The following PRELID2 variants were observed in gnomAD, a reference collection of about 807,000 sequenced individuals.
The protein encoded by PRELID2 is PRELI domain containing 2, also known as PRELI domain-containing protein 2.
Under a neutral mutation model 28.4 loss-of-function variants are expected in PRELID2, and 25 were observed. The observed-to-expected ratio is 0.88, with a 90% CI of 0.64 to 1.23. The LOEUF (loss-of-function observed/expected upper bound fraction) is 1.23. PRELID2 is among the 50% of genes most tolerant of loss of function. PRELID2 has a pLI of 0.00. For synonymous variants in PRELID2, 76 were observed against 71.6 expected (o/e 1.06, Z -0.31); for missense variants, 201 against 214.4 (o/e 0.94, Z 0.39).
chr5:145,272,982 A>G, the PRELID2 span, among the ~76,000 whole-genome samples: 1 of 152,138 alleles, frequency 6.6e-6, no homozygotes, highest in Non-Finnish European at 1.5e-5. Context: ...TGGGACAAAT[A>G]CAGAGTAGCA....
chr5:145,588,896 G>C (rs890694216), intron 1 of PRELID2, among the ~76,000 whole-genome samples: 2 of 150,612 alleles, frequency 1.3e-5, no homozygotes, highest in South Asian at 4.2e-4. Context: ...AAAAAAAATC[G>C]TCATTTTCTC....
the PRELID2 span, among the ~76,000 whole-genome samples, chr5:145,451,865 G>T: frequency 1.3e-5 from 2 of 152,030 alleles, no homozygotes; most frequent in Admixed American, 6.6e-5. Context: ...ACTAAAAAAA[G>T]CCTGAATTAT....
chr5:145,797,360 C>G (rs893594672), intron 4 of PRELID2, among the ~76,000 whole-genome samples: 2 of 152,082 alleles, frequency 1.3e-5, no homozygotes, highest in African/African-American at 4.8e-5. Context: ...GTTGCTTTTA[C>G]CTATGATAGC....
the PRELID2 span, among the ~76,000 whole-genome samples, chr5:145,457,944 G>A: frequency 6.6e-6 from 1 of 152,096 alleles, no homozygotes; most frequent in Non-Finnish European, 1.5e-5. Flanking sequence ...ATATGGAATT[G>A]TGTGTGTGTA....
At chr5:145,237,430 A>G in the PRELID2 span, among the ~76,000 whole-genome samples, 1 of 150,602 alleles carries the variant, frequency 6.6e-6, no homozygotes, top group African/African-American at 2.5e-5. Flanking sequence ...GTCAATTCCT[A>G]TGATTTTTTT....
chr5:145,539,723 CATA>C (rs1752730915), intron 1 of PRELID2, among the ~76,000 whole-genome samples: 1 of 151,336 alleles, frequency 6.6e-6, no homozygotes, highest in South Asian at 2.1e-4. Context: ...ATAAATATCT[CATA>C]ATTGTAATAT....
intron 1 of PRELID2, among the ~76,000 whole-genome samples, chr5:145,572,114 C>G (rs1385626709): frequency 6.6e-6 from 1 of 152,202 alleles, no homozygotes; most frequent in Non-Finnish European, 1.5e-5. Context: ...CCCACACACT[C>G]TCTTCTATGG....
the PRELID2 span, among the ~76,000 whole-genome samples, chr5:145,298,162 G>T: frequency 1.3e-5 from 2 of 152,122 alleles, no homozygotes; most frequent in Non-Finnish European, 2.9e-5. Context: ...GCATCGCCCA[G>T]TCAATCCTAA....
At chr5:145,270,056 AATGATTACT>A in the PRELID2 span, among the ~76,000 whole-genome samples, 4 of 151,730 alleles carry the variant, frequency 2.6e-5, no homozygotes, top group African/African-American at 9.7e-5. Flanking sequence ...CACAGGCTAG[AATGATTACT>A]ATTAAAAGAC....
chr5:145,349,343 G>T, the PRELID2 span, among the ~76,000 whole-genome samples: 1 of 151,792 alleles, frequency 6.6e-6, no homozygotes. Flanking sequence ...TTCAACATTT[G>T]CCATTATGGC....
intron 1 of PRELID2, among the ~76,000 whole-genome samples, chr5:145,487,022 A>G (rs552059112): frequency 1.4e-3 from 199 of 143,138 alleles, no homozygotes; most frequent in Middle Eastern, 3.6e-3. Flanking sequence ...ATTCTCACTC[A>G]TAGGTGGGAA....
At chr5:145,593,879 A>T (rs1194454725) in intron 1 of PRELID2, among the ~76,000 whole-genome samples, 1 of 152,204 alleles carries the variant, frequency 6.6e-6, no homozygotes, top group African/African-American at 2.4e-5. Context: ...ACTCACACAA[A>T]CTGTAGAAAA....
chr5:145,721,226 A>T (rs1415192179), intron 1 of PRELID2, among the ~76,000 whole-genome samples: 1 of 152,108 alleles, frequency 6.6e-6, no homozygotes, highest in Non-Finnish European at 1.5e-5. Context: ...TCATGAGAAA[A>T]GGATAGTAGA....
chr5:145,790,042 T>C (rs570696155), intron 5 of PRELID2, among the ~76,000 whole-genome samples: 2 of 152,310 alleles, frequency 1.3e-5, no homozygotes, highest in South Asian at 2.1e-4. Flanking sequence ...TGTACACTGT[T>C]GGTGGAAATG....
chr5:145,421,821 T>C, the PRELID2 span, among the ~76,000 whole-genome samples: 1 of 139,376 alleles, frequency 7.2e-6, no homozygotes, highest in African/African-American at 2.6e-5. Context: ...TTAATTGTGA[T>C]GTTAGGGTGT....
intron 1 of PRELID2, among the ~76,000 whole-genome samples, chr5:145,661,206 A>C (rs533002557): frequency 2.0e-5 from 3 of 152,288 alleles, no homozygotes; most frequent in African/African-American, 4.8e-5. Flanking sequence ...GATTTCCAAC[A>C]AATGTTTGAG....
At chr5:145,798,334 T>C (rs1752899858) in intron 4 of PRELID2, among the ~76,000 whole-genome samples, 1 of 152,158 alleles carries the variant, frequency 6.6e-6, no homozygotes, top group African/African-American at 2.4e-5. Context: ...AAATAATGGC[T>C]GAAAATTCCC....
chr5:145,362,300 T>C, the PRELID2 span, among the ~76,000 whole-genome samples: 1 of 152,164 alleles, frequency 6.6e-6, no homozygotes, highest in East Asian at 1.9e-4. Flanking sequence ...CTCTTCAGTG[T>C]CCTCATACCT....
At chr5:145,525,370 T>C (rs1252397103) in intron 1 of PRELID2, among the ~76,000 whole-genome samples, 1 of 152,214 alleles carries the variant, frequency 6.6e-6, no homozygotes, top group African/African-American at 2.4e-5. Flanking sequence ...ACCCTTGTTC[T>C]CCAAGAATGG....
Sources: allele counts gnomAD v4.1 joint callset (sites outside exome capture counted in the v4.1 genomes callset), GRCh38; gene constraint gnomAD v4.1.1; transcripts MANE v1.5; gene names NCBI Gene and HGNC (gene_info 2026-07-23, HGNC 2026-07-21).